GALNT13: variants seen among roughly 807,000 people sequenced by gnomAD.
GALNT13 encodes the protein UDP-GalNAc:polypeptide N-acetylgalactosaminyltransferase 13.
Under a neutral mutation model 64.2 loss-of-function variants are expected in GALNT13, and 28 were observed. That is an observed-to-expected ratio of 0.44 (90% CI 0.32 to 0.60). GALNT13 has a LOEUF of 0.60. GALNT13 is among the 20% of genes least tolerant of loss of function. GALNT13 has a pLI of 0.05. For missense variants in GALNT13, 577 were observed against 669.8 expected (o/e 0.86, Z 1.53); for synonymous variants, 214 against 224.6 (o/e 0.95, Z 0.42).
chr2:154,208,152 A>G (rs1010545064), intron 4 of GALNT13, among the ~76,000 whole-genome samples: 2 of 152,194 alleles, frequency 1.3e-5, no homozygotes, highest in Non-Finnish European at 2.9e-5. Context: ...TTCCAGAAAA[A>G]GCTGTAAAAA....
At chr2:153,523,781 C>A in the GALNT13 span, among the ~76,000 whole-genome samples, 25 of 152,206 alleles carry the variant, frequency 1.6e-4, no homozygotes, top group East Asian at 4.4e-3. Context: ...CCTTTCTAAT[C>A]TGAATATGTT....
chr2:153,808,622 A>G, the GALNT13 span, among the ~76,000 whole-genome samples: 1 of 152,132 alleles, frequency 6.6e-6, no homozygotes, highest in Non-Finnish European at 1.5e-5. Context: ...AGAAAATCTC[A>G]TATATAAGAA....
the GALNT13 span, among the ~76,000 whole-genome samples, chr2:153,090,714 G>C: frequency 2.6e-5 from 4 of 152,140 alleles, no homozygotes; most frequent in Non-Finnish European, 4.4e-5. Flanking sequence ...TTGGCTCCCA[G>C]GGCAGGTAGA....
downstream of GALNT13, among the ~76,000 whole-genome samples, chr2:154,456,379 TA>T (rs1425146948): frequency 1.3e-5 from 2 of 152,124 alleles, no homozygotes; most frequent in African/African-American, 4.8e-5. Context: ...GCTGTAAATT[TA>T]AATATTCATA....
At chr2:153,239,918 G>A in the GALNT13 span, among the ~76,000 whole-genome samples, 1 of 152,114 alleles carries the variant, frequency 6.6e-6, no homozygotes, top group Admixed American at 6.6e-5. Flanking sequence ...TAAATGTTCA[G>A]TAAATATCAG....
At chr2:153,433,751 T>C in the GALNT13 span, among the ~76,000 whole-genome samples, 48 of 152,198 alleles carry the variant, frequency 3.2e-4, no homozygotes. Context: ...AGAAGAGTTT[T>C]AACATCATTA....
intron 4 of GALNT13, among the ~76,000 whole-genome samples, chr2:154,223,643 G>T (rs959515763): frequency 2.0e-5 from 3 of 151,246 alleles, no homozygotes; most frequent in Non-Finnish European, 4.4e-5. Context: ...TAGAGACAGG[G>T]TTTCTCCCTG....
chr2:154,145,619 C>T (rs1683545716), intron 4 of GALNT13, among the ~76,000 whole-genome samples: 1 of 151,772 alleles, frequency 6.6e-6, no homozygotes, highest in Non-Finnish European at 1.5e-5. Flanking sequence ...ATATCCTAGG[C>T]CAAATAACTG....
At chr2:154,065,794 A>G (rs933838882) in intron 3 of GALNT13, among the ~76,000 whole-genome samples, 1 of 152,156 alleles carries the variant, frequency 6.6e-6, no homozygotes, top group Non-Finnish European at 1.5e-5. Context: ...GGCTACAATT[A>G]ATTCTGAATT....
chr2:153,366,036 G>A, the GALNT13 span, among the ~76,000 whole-genome samples: 13 of 152,152 alleles, frequency 8.5e-5, no homozygotes, highest in Admixed American at 8.5e-4. Flanking sequence ...TGTTATACAT[G>A]TACACCATGG....
chr2:154,176,211 G>C (rs981444137), intron 4 of GALNT13, among the ~76,000 whole-genome samples: 1 of 151,380 alleles, frequency 6.6e-6, no homozygotes, highest in Non-Finnish European at 1.5e-5. Context: ...TGCAGAGTAT[G>C]TTTGTTTAAG....
chr2:153,662,750 G>A, the GALNT13 span, among the ~76,000 whole-genome samples: 1 of 152,058 alleles, frequency 6.6e-6, no homozygotes, highest in East Asian at 1.9e-4. Flanking sequence ...TGAGCTGTGG[G>A]TTTACTATTT....
the GALNT13 span, among the ~76,000 whole-genome samples, chr2:153,169,084 TC>T: frequency 2.6e-5 from 4 of 152,178 alleles, no homozygotes; most frequent in African/African-American, 9.7e-5. Flanking sequence ...GTCACTTGCT[TC>T]CTTTGTATCA....
At chr2:153,623,276 C>T in the GALNT13 span, among the ~76,000 whole-genome samples, 10 of 152,076 alleles carry the variant, frequency 6.6e-5, no homozygotes, top group Non-Finnish European at 1.0e-4. Flanking sequence ...CCTTCCTCAA[C>T]GTGCTTTCCC....
intron 3 of GALNT13, among the ~76,000 whole-genome samples, chr2:154,006,321 G>C (rs1696247037): frequency 6.6e-6 from 1 of 152,002 alleles, no homozygotes; most frequent in South Asian, 2.1e-4. Flanking sequence ...ATGTCCTTGG[G>C]GTTGTGGGGT....
intron 9 of GALNT13, among the ~76,000 whole-genome samples, chr2:154,367,019 T>C (rs1697401499): frequency 6.6e-6 from 1 of 152,120 alleles, no homozygotes; most frequent in Admixed American, 6.6e-5. Flanking sequence ...AATGAATGGG[T>C]TTCATTGTTG....
At chr2:153,278,366 T>G in the GALNT13 span, among the ~76,000 whole-genome samples, 2 of 152,172 alleles carry the variant, frequency 1.3e-5, no homozygotes, top group African/African-American at 4.8e-5. Flanking sequence ...TAGGCCCCAT[T>G]TGTCCATTTT....
At chr2:154,209,009 A>T (rs1175645847) in intron 4 of GALNT13, among the ~76,000 whole-genome samples, 1 of 152,106 alleles carries the variant, frequency 6.6e-6, no homozygotes, top group Admixed American at 6.6e-5. Context: ...GTATGGCTTT[A>T]TAAACATTGA....
At chr2:154,408,804 C>T (rs571838909) in intron 10 of GALNT13, among the ~76,000 whole-genome samples, 180 bp from the exon 11 acceptor site, 1 of 152,090 alleles carries the variant, frequency 6.6e-6, no homozygotes, top group East Asian at 1.9e-4. Flanking sequence ...GAAATGTATA[C>T]AGGTTAAGAA....
Sources: allele counts gnomAD v4.1 joint callset (sites outside exome capture counted in the v4.1 genomes callset), GRCh38; gene constraint gnomAD v4.1.1; transcripts MANE v1.5; gene names NCBI Gene and HGNC (gene_info 2026-07-23, HGNC 2026-07-21).